Variants in HS6ST1 observed in about 807,000 individuals in gnomAD.
HS6ST1 encodes the protein heparan-sulfate 6-O-sulfotransferase 1.
A neutral mutation model predicts 25.2 loss-of-function variants in HS6ST1; 3 were observed. The ratio of observed to expected loss-of-function variants is 0.12; its 90% CI spans 0.05 to 0.31. HS6ST1 has a LOEUF of 0.31. HS6ST1 is among the 10% of genes least tolerant of loss of function. The pLI is 1.00. For synonymous variants in HS6ST1, 204 were observed against 275.1 expected (o/e 0.74, Z 2.56); for missense variants, 310 against 609.6 (o/e 0.51, Z 5.18).
At position 128,273,527 on chromosome 2, in the gene HS6ST1, C is replaced by T. The variant is rs1350274164; in HGVS notation, c.528-4657G>A. ...ACTACCTGGCACGCCCCTCCATAGC[C>T]GGTGGGACTCTTTAGGAGCCAGAGG... is the stretch of plus-strand genomic sequence containing the variant. On this transcript the variant is annotated intron_variant, in intron 1 of 1. Coordinates refer to ENST00000259241, the MANE Select transcript of HS6ST1 (RefSeq NM_004807.3). 9.2e-5 allele frequency among the ~76,000 whole-genome samples: 14 copies of T among 152,328 alleles called. 1 individual carries two copies. Among genetic ancestry groups the T allele is most frequent in the East Asian group, 7.7e-4 (4 of 5,176 alleles).
intron 1 of HS6ST1, among the ~76,000 whole-genome samples, chr2:128,278,901 C>G (rs1022085182): frequency 6.6e-6 from 1 of 152,248 alleles, no homozygotes; most frequent in African/African-American, 2.4e-5. Context: ...CCCATAAGCC[C>G]AAATGTGACC....
chr2:128,273,139 T>G (rs1190423072), intron 1 of HS6ST1, among the ~76,000 whole-genome samples: 1 of 152,194 alleles, frequency 6.6e-6, no homozygotes, highest in Non-Finnish European at 1.5e-5. Flanking sequence ...TTAGCAGTGC[T>G]GGCCCAGCGG....
intron 1 of HS6ST1, among the ~76,000 whole-genome samples, chr2:128,278,840 ATTT>A (rs1225879068): frequency 2.6e-5 from 4 of 152,302 alleles, no homozygotes; most frequent in Admixed American, 2.6e-4. Context: ...TTTTTTCAAC[ATTT>A]TACTATAAAA....
intron 1 of HS6ST1, among the ~76,000 whole-genome samples, chr2:128,269,583 C>G (rs13019283): frequency 0.11 from 16,560 of 152,282 alleles, 1,201 homozygotes; most frequent in Non-Finnish European, 0.15. Context: ...CTGGAGGCGT[C>G]AGGACACTGG....
intron 1 of HS6ST1, among the ~76,000 whole-genome samples, chr2:128,282,143 C>A (rs1318287467): frequency 6.6e-6 from 1 of 152,226 alleles, no homozygotes; most frequent in East Asian, 1.9e-4. Flanking sequence ...CAAACCATGG[C>A]CAGGGTGGTG....
intron 1 of HS6ST1, among the ~76,000 whole-genome samples, chr2:128,270,691 G>T (rs1435196021): frequency 6.6e-6 from 1 of 152,190 alleles, no homozygotes; most frequent in Non-Finnish European, 1.5e-5. Flanking sequence ...GGGAGGCATA[G>T]GGCCGCATGG....
chr2:128,270,814 A>C (rs570169874), intron 1 of HS6ST1, among the ~76,000 whole-genome samples: 1 of 152,322 alleles, frequency 6.6e-6, no homozygotes, highest in African/African-American at 2.4e-5. Context: ...CCAACAGAGA[A>C]GCTTGCCCTC....
At chr2:128,313,240 C>T (rs549202443) in intron 1 of HS6ST1, among the ~76,000 whole-genome samples, 1 of 152,248 alleles carries the variant, frequency 6.6e-6, no homozygotes, top group East Asian at 1.9e-4. Flanking sequence ...TCCTAGGAAT[C>T]TCCAGAGGAA....
intron 1 of HS6ST1, among the ~76,000 whole-genome samples, chr2:128,276,272 T>G (rs996345782): frequency 2.0e-5 from 3 of 152,122 alleles, no homozygotes; most frequent in African/African-American, 7.2e-5. Flanking sequence ...GGATTACTCG[T>G]GGTGGCATGC....
chr2:128,275,657 C>T (rs1693683414), intron 1 of HS6ST1, among the ~76,000 whole-genome samples: 1 of 152,134 alleles, frequency 6.6e-6, no homozygotes, highest in Admixed American at 6.5e-5. Context: ...CACAGGAAGC[C>T]ACAGGCAATA....
rs1312180713 is a variant in HS6ST1 at position 128,268,365 on chromosome 2, T to C, written c.1033A>G (p.Met345Val). Residue 345 changes from methionine (M) to valine (V), a missense_variant, in exon 2 of 2, where the codon ATG (methionine) becomes GTG (valine). Met to Val is a conservative substitution (Grantham distance 21). Transcript: ENST00000259241. ...TCCTTGGCGTAGTCGTACAGCTGCA[T>C]GTCCAGGTCGTTGAGCTCCTCGATG... ...RRIEELNDLD[M>V]QLYDYAKDLF... 10 of 1,613,588 alleles carry C rather than the reference T, an allele frequency of 6.2e-6. No homozygotes were observed. The highest frequency in any genetic ancestry group is 8.5e-6 in the Non-Finnish European group (10 of 1,179,878).
At chr2:128,305,386 G>T (rs1573707466) in intron 1 of HS6ST1, among the ~76,000 whole-genome samples, 1 of 152,228 alleles carries the variant, frequency 6.6e-6, no homozygotes, top group East Asian at 1.9e-4. Context: ...GGTTCAGGAC[G>T]TGTGCCGACA....
intron 1 of HS6ST1, among the ~76,000 whole-genome samples, chr2:128,314,230 C>G (rs1301705825): frequency 6.6e-6 from 1 of 152,060 alleles, no homozygotes; most frequent in East Asian, 1.9e-4. Flanking sequence ...CTCATCCAAG[C>G]CCACCCCTAC....
At chr2:128,279,615 G>A (rs1313632096) in intron 1 of HS6ST1, among the ~76,000 whole-genome samples, 1 of 152,244 alleles carries the variant, frequency 6.6e-6, no homozygotes, top group East Asian at 1.9e-4. Flanking sequence ...GCATCTCAGT[G>A]ATTAGTTTTA....
chr2:128,299,599 C>T (rs1019623080), intron 1 of HS6ST1, among the ~76,000 whole-genome samples: 1 of 152,224 alleles, frequency 6.6e-6, no homozygotes, highest in Non-Finnish European at 1.5e-5. Context: ...AGAGAGCTCA[C>T]AAGCCGGTGA....
chr2:128,269,810 GCCCTGAC>G (rs984509332), intron 1 of HS6ST1, among the ~76,000 whole-genome samples: 1 of 152,176 alleles, frequency 6.6e-6, no homozygotes, highest in Non-Finnish European at 1.5e-5. Context: ...CTCCAGAAGG[GCCCTGAC>G]CCCCCGCCAG....
chr2:128,316,624 G>A (rs2104940464), intron 1 of HS6ST1, among the ~76,000 whole-genome samples: 1 of 152,306 alleles, frequency 6.6e-6, no homozygotes, highest in Admixed American at 6.5e-5. Flanking sequence ...AGGCAGCTCT[G>A]TGACCGCCAA....
intron 1 of HS6ST1, among the ~76,000 whole-genome samples, chr2:128,287,869 A>G (rs1693888889): frequency 6.6e-6 from 1 of 152,218 alleles, no homozygotes; most frequent in African/African-American, 2.4e-5. Flanking sequence ...CAGCAAGGCC[A>G]TGAGGGCCCT....
At chr2:128,306,947 T>A (rs181430033) in intron 1 of HS6ST1, among the ~76,000 whole-genome samples, 46 of 151,892 alleles carry the variant, frequency 3.0e-4, no homozygotes, top group Non-Finnish European at 5.3e-4. Context: ...GCGTGGACAT[T>A]CAGCTCTTTG....
Sources: gnomAD v4.1 joint callset for allele counts (sites outside exome capture counted in the v4.1 genomes callset) on GRCh38, gnomAD v4.1.1 for gene constraint, MANE v1.5 for transcripts, NCBI Gene and HGNC (gene_info 2026-07-23, HGNC 2026-07-21) for gene names.